CSMD1: variants seen among roughly 807,000 people sequenced by gnomAD.
CSMD1 encodes the protein CUB and sushi domain-containing protein 1.
A neutral mutation model predicts 417.5 loss-of-function variants in CSMD1; 213 were observed. That is an observed-to-expected ratio of 0.51 (90% confidence interval 0.46 to 0.57). CSMD1 has a LOEUF of 0.57. CSMD1 is among the 20% of genes least tolerant of loss of function. CSMD1 has a pLI of 0.00. For synonymous variants in CSMD1, 2,862 were observed against 1,736.8 expected, an observed-to-expected ratio of 1.65 and a Z score of -16.11; for missense variants, 6,923 against 4,529.7, an observed-to-expected ratio of 1.53 and a Z score of -15.17.
intron 5 of CSMD1, among the ~76,000 whole-genome samples, chr8:3,946,078 G>C (rs1417046842): frequency 2.0e-5 from 3 of 152,068 alleles, no homozygotes; most frequent in East Asian, 3.9e-4. Flanking sequence ...AAAGTGTAAT[G>C]GTGATCTGTG....
chr8:4,257,346 G>T (rs1339858791), intron 3 of CSMD1, among the ~76,000 whole-genome samples: 3 of 151,582 alleles, frequency 2.0e-5, no homozygotes, highest in African/African-American at 2.4e-5. Flanking sequence ...TCCATTCAAG[G>T]GTTGAATAAT....
intron 12 of CSMD1, among the ~76,000 whole-genome samples, chr8:3,445,986 G>A (rs1815279463): frequency 6.6e-6 from 1 of 152,194 alleles, no homozygotes; most frequent in Non-Finnish European, 1.5e-5. Flanking sequence ...AACAGAGGGA[G>A]AAGGGAATGT....
At chr8:3,661,967 C>G (rs959945281) in intron 7 of CSMD1, among the ~76,000 whole-genome samples, 5 of 152,072 alleles carry the variant, frequency 3.3e-5, no homozygotes, top group Admixed American at 6.6e-5. Flanking sequence ...GAACGGGACA[C>G]CCAGAGGCTG....
intron 26 of CSMD1, among the ~76,000 whole-genome samples, chr8:3,282,193 C>T (rs10108636): frequency 0.75 from 114,224 of 152,018 alleles, 43,300 homozygotes; most frequent in Admixed American, 0.84. Context: ...AAAGTGAACC[C>T]GGAGAAAACT....
chr8:3,332,405 G>C (rs1425513018), intron 23 of CSMD1, among the ~76,000 whole-genome samples: 2 of 152,230 alleles, frequency 1.3e-5, no homozygotes, highest in Admixed American at 1.3e-4. Context: ...GGTGGGGCCT[G>C]AATTAGCTGG....
chr8:3,199,846 C>T (rs1371443077), intron 32 of CSMD1, 37 bp from the exon 33 acceptor site: 5 of 1,317,634 alleles, frequency 3.8e-6, no homozygotes, highest in Middle Eastern at 1.8e-4. Flanking sequence ...AGAAAACACA[C>T]AGCACCGTGG....
At chr8:3,997,660 C>G (rs1299932951) in intron 5 of CSMD1, among the ~76,000 whole-genome samples, 1 of 152,144 alleles carries the variant, frequency 6.6e-6, no homozygotes, top group Admixed American at 6.6e-5. Flanking sequence ...AAAATGACAG[C>G]ACTACAAGTT....
rs140922505 is a variant in CSMD1 at position 4,509,955 on chromosome 8, T to C, written c.303-89890A>G. Among the ~76,000 whole-genome samples the C allele has an allele frequency of 2.5e-4, 38 of 152,216 alleles. No individual in the cohort carries two copies. In the East Asian group the frequency reaches 7.0e-3, roughly 28 times the overall value. On this transcript the variant is annotated intron_variant, in intron 2 of 69. Coordinates refer to ENST00000635120, the MANE Select transcript of CSMD1 (RefSeq NM_033225.6). ...AAAGCCTTAAATCACTATTTTATGA[T>C]TTTGCTGTGTCTCCACCCAAATCTC...
chr8:3,256,906 A>G (rs1035425433), intron 26 of CSMD1, among the ~76,000 whole-genome samples: 10 of 152,262 alleles, frequency 6.6e-5, no homozygotes, highest in Admixed American at 3.3e-4. Flanking sequence ...TTCACAATGC[A>G]AAAATAGAAT....
At chr8:3,959,484 G>C (rs186502473) in intron 5 of CSMD1, among the ~76,000 whole-genome samples, 22 of 152,316 alleles carry the variant, frequency 1.4e-4, no homozygotes, top group African/African-American at 4.3e-4. Context: ...GGATGACTGA[G>C]CGAGACTCCG....
rs542973053 is a variant in CSMD1 at position 4,947,207 on chromosome 8, T to C, written c.85+47125A>G. ...TAACAGAATACATTCACTGCTGTTA[T>C]CTACTTTTTAAATGTTGTCTGACTT... is the stretch of plus-strand genomic sequence containing the variant. On this transcript the variant is annotated intron_variant, in intron 1 of 69. Coordinates refer to ENST00000635120, the MANE Select transcript of CSMD1 (RefSeq NM_033225.6). Among the ~76,000 whole-genome samples the C allele has an allele frequency of 6.6e-5, 10 of 152,320 alleles. No homozygotes were observed. The South Asian group carries it at 1.9e-3, about 28-fold the overall frequency.
chr8:3,709,071 C>A (rs530983867), intron 6 of CSMD1, among the ~76,000 whole-genome samples: 1 of 152,100 alleles, frequency 6.6e-6, no homozygotes, highest in South Asian at 2.1e-4. Flanking sequence ...CACAGAGGTC[C>A]TGGCTTCTAG....
chr8:3,663,264 G>C (rs1470556204), intron 7 of CSMD1, among the ~76,000 whole-genome samples: 1 of 152,128 alleles, frequency 6.6e-6, no homozygotes, highest in African/African-American at 2.4e-5. Context: ...GTGAGAGAGT[G>C]CTGATACTAC....
At chr8:4,188,372 A>T (rs747682815) in intron 3 of CSMD1, among the ~76,000 whole-genome samples, 3 of 152,190 alleles carry the variant, frequency 2.0e-5, no homozygotes, top group Non-Finnish European at 4.4e-5. Context: ...TTCATTCTGC[A>T]TAATAGCAAA....
chr8:3,741,618 G>A (rs1242317100), intron 6 of CSMD1, among the ~76,000 whole-genome samples: 1 of 152,172 alleles, frequency 6.6e-6, no homozygotes, highest in African/African-American at 2.4e-5. Context: ...AGTGCAAATA[G>A]TGCAGACAGA....
intron 5 of CSMD1, among the ~76,000 whole-genome samples, chr8:3,819,256 T>A (rs1440390586): frequency 6.6e-6 from 1 of 152,150 alleles, no homozygotes; most frequent in Non-Finnish European, 1.5e-5. Context: ...CTCTGCTTCA[T>A]ACCTTTCAGT....
rs189160512 is a variant in CSMD1 at position 3,522,585 on chromosome 8, C to A, written c.1345-28859G>T. On this transcript the variant is annotated intron_variant, in intron 10 of 69. Coordinates refer to ENST00000635120, the MANE Select transcript of CSMD1 (RefSeq NM_033225.6). ...AATAGAGAAAGAAATGGGAACACTACTCATGTTTCAGGCAGCCCACACTCC... is the reference window on the plus strand; with the variant it reads ...AATAGAGAAAGAAATGGGAACACTAATCATGTTTCAGGCAGCCCACACTCC... Among the ~76,000 whole-genome samples the A allele has an allele frequency of 4.6e-4, 70 of 152,114 alleles. 1 individual carries two copies. The highest frequency in any genetic ancestry group is 3.4e-3 in the Middle Eastern group (1 of 294).
At chr8:3,724,960 A>C (rs556121019) in intron 6 of CSMD1, among the ~76,000 whole-genome samples, 18 of 152,324 alleles carry the variant, frequency 1.2e-4, no homozygotes, top group South Asian at 4.1e-4. Flanking sequence ...GTTGATGACT[A>C]TTTCAACGCA....
At position 3,817,463 on chromosome 8, in the gene CSMD1, T is replaced by G. The variant is rs560461574; in HGVS notation, c.819-63421A>C. ...TCCCAGCTCATTTTTGTGTTTTTAG[T>G]AGAGACGGGGTTTCACCTCGTTAGC... On this transcript the variant is annotated intron_variant, in intron 5 of 69. Coordinates refer to ENST00000635120, the MANE Select transcript of CSMD1 (RefSeq NM_033225.6). Among the ~76,000 whole-genome samples, 461 of 151,804 alleles carry G rather than the reference T, an allele frequency of 3.0e-3. 2 individuals carry two copies. The highest frequency in any genetic ancestry group is 4.4e-3 in the Non-Finnish European group (302 of 67,932).
Sources: gnomAD v4.1 joint callset for allele counts (sites outside exome capture counted in the v4.1 genomes callset) on GRCh38, gnomAD v4.1.1 for gene constraint, MANE v1.5 for transcripts, NCBI Gene and HGNC (gene_info 2026-07-23, HGNC 2026-07-21) for gene names.